NHSL3: variants seen among roughly 807,000 people sequenced by gnomAD.
NHSL3 encodes the protein NHS-like protein 3.
the NHSL3 span, chr1:32,765,811 G>T: frequency 6.5e-7 from 1 of 1,547,346 alleles, no homozygotes. Context: ...CGCTCCTAGG[G>T]CTGTTTAAGA....
the NHSL3 span, chr1:32,742,102 G>A: frequency 3.2e-6 from 4 of 1,250,888 alleles, no homozygotes; most frequent in South Asian, 6.3e-5. Context: ...CAAGAAGAAG[G>A]CGGCGGGGGC....
chr1:32,764,068 C>T, the NHSL3 span, among the ~76,000 whole-genome samples: 1 of 151,930 alleles, frequency 6.6e-6, no homozygotes, highest in African/African-American at 2.4e-5. Context: ...GCCTTGTTGC[C>T]CAGGCTGATC....
the NHSL3 span, chr1:32,770,741 T>G: frequency 6.4e-7 from 1 of 1,557,380 alleles, no homozygotes; most frequent in Non-Finnish European, 8.7e-7. The surrounding 1 kb of genome is among the most constrained non-coding windows in gnomAD (Gnocchi z 8.3). Flanking sequence ...CCATTAGGGT[T>G]GCCCCCTAAG....
the NHSL3 span, chr1:32,771,547 C>G: frequency 6.2e-7 from 1 of 1,606,974 alleles, no homozygotes; most frequent in Non-Finnish European, 8.5e-7. Flanking sequence ...CTTCCCCCCA[C>G]CAGAGGAGGC....
chr1:32,745,872 G>A, the NHSL3 span, among the ~76,000 whole-genome samples: 4 of 152,096 alleles, frequency 2.6e-5, no homozygotes. Flanking sequence ...GATGATTATT[G>A]AGGGGGATTC....
the NHSL3 span, among the ~76,000 whole-genome samples, chr1:32,747,192 G>GT: frequency 0.047 from 6,875 of 145,524 alleles, 534 homozygotes; most frequent in African/African-American, 0.16. Flanking sequence ...TTTTTGTTTT[G>GT]TTTTGTTTTT....
the NHSL3 span, chr1:32,768,968 C>T: frequency 9.1e-6 from 6 of 659,852 alleles, no homozygotes; most frequent in East Asian, 3.3e-5. Context: ...AAAATCTTGG[C>T]GGCCGGGTGC....
At chr1:32,773,241 T>C in the NHSL3 span, 4 of 358,234 alleles carry the variant, frequency 1.1e-5, no homozygotes, top group Non-Finnish European at 2.1e-5. Context: ...TCATTTTTTT[T>C]CATGTCCAAA....
the NHSL3 span, chr1:32,770,328 C>A: frequency 5.0e-6 from 8 of 1,612,052 alleles, no homozygotes; most frequent in Non-Finnish European, 5.1e-6. This position sits in a 1 kb window ranked among gnomAD's most constrained non-coding sequence, Gnocchi z 8.3. Context: ...GCAGCCTGCA[C>A]TCGGCCAGCC....
chr1:32,767,477 C>T, the NHSL3 span, among the ~76,000 whole-genome samples: 1 of 152,008 alleles, frequency 6.6e-6, no homozygotes, highest in African/African-American at 2.4e-5. Context: ...TCTGTGAGTG[C>T]TGTGTACGTA....
the NHSL3 span, among the ~76,000 whole-genome samples, chr1:32,749,703 G>T: frequency 6.6e-6 from 1 of 152,104 alleles, no homozygotes; most frequent in African/African-American, 2.4e-5. Context: ...CAAGGCCAAG[G>T]GAGTCTTCCC....
At chr1:32,769,741 C>T in the NHSL3 span, 53 of 1,612,720 alleles carry the variant, frequency 3.3e-5, no homozygotes, top group Non-Finnish European at 3.6e-5. Flanking sequence ...GCGGGAGCGG[C>T]GGAGCACTGT....
the NHSL3 span, among the ~76,000 whole-genome samples, chr1:32,758,258 C>T: frequency 6.6e-6 from 1 of 152,234 alleles, no homozygotes; most frequent in African/African-American, 2.4e-5. Flanking sequence ...CCAGGAAGAC[C>T]CGCCCTCTTC....
At chr1:32,756,733 T>C in the NHSL3 span, among the ~76,000 whole-genome samples, 1 of 147,450 alleles carries the variant, frequency 6.8e-6, no homozygotes, top group Non-Finnish European at 1.5e-5. Context: ...CTTTAGGAGG[T>C]TGAGGTGGGT....
the NHSL3 span, chr1:32,765,865 C>T: frequency 2.7e-6 from 4 of 1,497,288 alleles, no homozygotes; most frequent in African/African-American, 1.4e-5. Flanking sequence ...GAGGGATGCT[C>T]GATGCCTCCC....
At chr1:32,760,602 T>TG in the NHSL3 span, among the ~76,000 whole-genome samples, 2 of 149,240 alleles carry the variant, frequency 1.3e-5, no homozygotes, top group African/African-American at 2.5e-5. Context: ...TTTTTTTTTT[T>TG]TTGTTTGAGA....
At chr1:32,771,695 C>A in the NHSL3 span, 2 of 1,611,892 alleles carry the variant, frequency 1.2e-6, no homozygotes, top group South Asian at 2.2e-5. Context: ...CCTCCAGCTC[C>A]GCCAGCCCCA....
chr1:32,765,610 G>A, the NHSL3 span: 4 of 1,513,326 alleles, frequency 2.6e-6, no homozygotes, highest in Non-Finnish European at 3.5e-6. Flanking sequence ...GGAGGACATG[G>A]AGAGCAGCCC....
chr1:32,769,724 G>A, the NHSL3 span: 57 of 1,614,064 alleles, frequency 3.5e-5, no homozygotes, highest in South Asian at 4.8e-4. Context: ...AAGTCAGGGC[G>A]GCGTCGGCGG....
Sources: gnomAD v4.1 joint callset for allele counts (sites outside exome capture counted in the v4.1 genomes callset) on GRCh38, gnomAD v4.1.1 for gene constraint, Gnocchi (gnomAD v3.1) non-coding constraint, MANE v1.5 for transcripts, NCBI Gene and HGNC (gene_info 2026-07-23, HGNC 2026-07-21) for gene names.